Variants in PLB1 observed in about 807,000 individuals in gnomAD.
PLB1 encodes phospholipase B1, membrane-associated.
Under a neutral mutation model 227.4 loss-of-function variants are expected in PLB1, and 242 were observed. That is an observed-to-expected ratio of 1.06 (90% CI 0.96 to 1.18). The LOEUF (loss-of-function observed/expected upper bound fraction) is 1.18, where lower values mean the gene tolerates loss of function less well. PLB1 is among the 50% of genes most tolerant of loss of function. The pLI, the probability that PLB1 is intolerant of heterozygous loss-of-function variation, is 0.00. For missense variants in PLB1, 1,858 were observed against 1,816.3 expected (o/e 1.02, Z -0.42); for synonymous variants, 757 against 682.2 (o/e 1.11, Z -1.71).
rs200329048 is a variant in PLB1, at chr2:28,613,675, G to GAT, written c.3130-355_3130-354dup. Among the ~76,000 whole-genome samples, 52 of 152,228 alleles carry GAT rather than the reference G, an allele frequency of 3.4e-4. 2 individuals carry two copies. The East Asian group carries it at 9.6e-3, about 28-fold the overall frequency. On this transcript the variant is annotated intron_variant, in intron 43 of 57. Transcript: ENST00000327757. ...TTGATAATCATAACACTTTCTGGAA[G>GAT]ATTAAAAAAATGCTGAAACATGAAT...
At chr2:28,612,618 T>C (rs1396488266) in intron 43 of PLB1, among the ~76,000 whole-genome samples, 1 of 151,494 alleles carries the variant, frequency 6.6e-6, no homozygotes, top group Non-Finnish European at 1.5e-5. Context: ...CCTTTTTTTT[T>C]TTTTTTTTGA....
intron 20 of PLB1, among the ~76,000 whole-genome samples, chr2:28,572,190 C>G (rs950472038): frequency 2.0e-5 from 3 of 152,144 alleles, no homozygotes; most frequent in African/African-American, 7.2e-5. Flanking sequence ...CAGTGGAAAT[C>G]AAAACCACCA....
At chr2:28,517,433 A>G (rs781490945) in intron 2 of PLB1, among the ~76,000 whole-genome samples, 1 of 152,202 alleles carries the variant, frequency 6.6e-6, no homozygotes, top group Non-Finnish European at 1.5e-5. Context: ...CCCCGGACCC[A>G]GTACCAGCAG....
intron 31 of PLB1, among the ~76,000 whole-genome samples, 187 bp downstream of exon 31, chr2:28,591,947 C>T (rs1424403395): frequency 2.0e-5 from 3 of 152,184 alleles, no homozygotes; most frequent in African/African-American, 4.8e-5. Context: ...GACACCATGC[C>T]CAGCAGGCAC....
intron 12 of PLB1, 104 bp downstream of exon 12, chr2:28,540,545 G>A (rs1672344836): frequency 7.8e-6 from 7 of 895,608 alleles, no homozygotes; most frequent in Non-Finnish European, 1.2e-5. Flanking sequence ...CTAATGTTAG[G>A]ACTTCTCCAG....
intron 17 of PLB1, among the ~76,000 whole-genome samples, chr2:28,559,616 A>G (rs370642940): frequency 2.6e-3 from 400 of 152,106 alleles, no homozygotes; most frequent in African/African-American, 9.2e-3. Context: ...CTCAATGTTA[A>G]TCCGGCTTCC....
At chr2:28,589,234 T>C (rs1194403644) in intron 26 of PLB1, among the ~76,000 whole-genome samples, 1 of 152,014 alleles carries the variant, frequency 6.6e-6, no homozygotes, top group African/African-American at 2.4e-5. Context: ...CTCAAATATA[T>C]GCAATCGCAG....
In PLB1 at chr2:28,632,964, C is replaced by A. The variant is rs1688845054; in HGVS notation, c.4023C>A (p.Thr1341=). 6.2e-7 allele frequency: 1 copy of A among 1,606,254 alleles called. No homozygotes were observed. Among genetic ancestry groups the A allele is most frequent in the South Asian group, 1.1e-5 (1 of 91,066 alleles). The stretch of plus-strand genomic sequence containing the variant: ...TGCAGAGAGGGGACACTGACCTCAC[C>A]TTCTTCTCCGAGGACTGTTTTCACT... The part of the protein sequence containing the change: ...PLNERGDTDL[T]FFSEDCFHFS... Residue 1341 remains threonine (T), a synonymous_variant, in exon 56 of 58, where the codon ACC becomes ACA. Transcript: ENST00000327757.
At chr2:28,627,510 T>G (rs1290928895) in intron 51 of PLB1, among the ~76,000 whole-genome samples, 1 of 152,160 alleles carries the variant, frequency 6.6e-6, no homozygotes, top group Non-Finnish European at 1.5e-5. Context: ...ACTCAGACTG[T>G]TTTAAAAAGA....
chr2:28,515,550 G>A lies in PLB1; in HGVS notation c.56-1258G>A, dbSNP rs142796751. ...CATCATTCCTTGTGCAAGCTCTAAT[G>A]TGGAAATCAGTGCCTGATCTCACAG... On this transcript the variant is annotated intron_variant, in intron 1 of 57. Transcript: ENST00000327757. Among the ~76,000 whole-genome samples the A allele has an allele frequency of 7.3e-3, 1,115 of 152,316 alleles. 15 individuals are homozygous for A. Among genetic ancestry groups the A allele is most frequent in the African/African-American group, 0.026 (1,066 of 41,554 alleles).
intron 1 of PLB1, among the ~76,000 whole-genome samples, chr2:28,514,846 T>C (rs1305892409): frequency 6.6e-6 from 1 of 152,162 alleles, no homozygotes; most frequent in East Asian, 1.9e-4. Context: ...ATTTTTATTT[T>C]ATTTTTTTAT....
intron 9 of PLB1, among the ~76,000 whole-genome samples, chr2:28,537,330 C>A (rs1021496285): frequency 6.6e-6 from 1 of 152,140 alleles, no homozygotes; most frequent in Middle Eastern, 3.2e-3. Context: ...AGGGGACAGC[C>A]AGTCTGCTGT....
chr2:28,572,276 T>G (rs1291691740), intron 20 of PLB1, among the ~76,000 whole-genome samples: 1 of 152,198 alleles, frequency 6.6e-6, no homozygotes, highest in African/African-American at 2.4e-5. Context: ...TGTGGAAGAA[T>G]TGAAGCCCTT....
At chr2:28,611,401 T>TA (rs1252266265) in intron 43 of PLB1, among the ~76,000 whole-genome samples, 1 of 152,200 alleles carries the variant, frequency 6.6e-6, no homozygotes, top group African/African-American at 2.4e-5. Flanking sequence ...CCCTGGACCC[T>TA]AAGCTGAGTC....
chr2:28,543,376 G>A lies in PLB1; in HGVS notation c.936+108G>A. On this transcript the variant is annotated intron_variant, in intron 14 of 57. Transcript: ENST00000327757. Reference sequence around the variant, plus strand: ...GCTGCAGGGCGCCCCAGGATCCCAGGACAATGGTTCTGGGCCACCAGGGAT... The same window carrying A: ...GCTGCAGGGCGCCCCAGGATCCCAGAACAATGGTTCTGGGCCACCAGGGAT... 8.2e-6 allele frequency: 10 copies of A among 1,218,054 alleles called. No individual in the cohort carries two copies. In the South Asian group the frequency reaches 1.3e-4, roughly 16 times the overall value. The allele number at this position is 1,218,054 out of a possible 1,614,324, so 75.5% of individuals were successfully genotyped here.
chr2:28,597,138 C>T (rs1320175963), intron 33 of PLB1, among the ~76,000 whole-genome samples: 1 of 151,346 alleles, frequency 6.6e-6, no homozygotes, highest in African/African-American at 2.5e-5. Context: ...GTGGCGGGTA[C>T]CTGTAGTCCC....
intron 4 of PLB1, among the ~76,000 whole-genome samples, chr2:28,520,366 T>C (rs2148179976): frequency 6.6e-6 from 1 of 152,336 alleles, no homozygotes; most frequent in East Asian, 1.9e-4. Flanking sequence ...AAGTAATCTT[T>C]TAAATTTTTT....
chr2:28,602,859 C>T lies in PLB1; in HGVS notation c.2712C>T (p.Asn904=). 1 of 1,614,160 alleles carries T rather than the reference C, an allele frequency of 6.2e-7. No individual in the cohort carries two copies. The highest frequency in any genetic ancestry group is 8.5e-7 in the Non-Finnish European group (1 of 1,180,010). ...TGGTCAACCTCGTGGACTTCCTGAACCCCACTATCATGCGGCAGGTGTTCC... is the reference window on the plus strand; with the variant it reads ...TGGTCAACCTCGTGGACTTCCTGAATCCCACTATCATGCGGCAGGTGTTCC... The part of the protein sequence containing the change: ...RVLVNLVDFL[N]PTIMRQVFLG... Residue 904 remains asparagine, a synonymous_variant, in exon 39 of 58, where the codon AAC becomes AAT. Transcript: ENST00000327757.
At chr2:28,630,698 C>G (rs1209992609) in intron 54 of PLB1, 34 bp downstream of exon 54, 2 of 1,576,168 alleles carry the variant, frequency 1.3e-6, no homozygotes, top group Non-Finnish European at 1.7e-6. Context: ...ACTGACCCAG[C>G]TGGGGGGCCC....
Sources: gnomAD v4.1 joint callset for allele counts (sites outside exome capture counted in the v4.1 genomes callset) on GRCh38, gnomAD v4.1.1 for gene constraint, MANE v1.5 for transcripts, NCBI Gene and HGNC (gene_info 2026-07-23, HGNC 2026-07-21) for gene names.